Variants in DHX57 observed in about 807,000 individuals in gnomAD.
DHX57 encodes DExH-box helicase 57.
A neutral mutation model predicts 156.2 loss-of-function variants in DHX57; 105 were observed. The observed-to-expected ratio is 0.67, with a 90% CI of 0.57 to 0.79. DHX57 has a LOEUF of 0.79. Ranked by LOEUF, DHX57 falls within the 30% of genes least tolerant of loss-of-function variation. The pLI is 0.00. For synonymous variants in DHX57, 704 were observed against 595.6 expected (o/e 1.18, Z -2.65); for missense variants, 1,847 against 1,661.9 (o/e 1.11, Z -1.94).
chr2:38,858,815 T>C lies in DHX57; in HGVS notation c.1433A>G (p.Glu478Gly). ...IPEVEKASESEESDEDDGPAP... is the reference protein window; with the variant it reads ...IPEVEKASESGESDEDDGPAP... ...AGGACCGTCATCCTCATCTGACTCC[T>C]CAGATTCTGATGCTTTTTCAACTTG... Residue 478 changes from glutamate to glycine, a missense_variant, in exon 6 of 24, where the codon GAG (glutamate) becomes GGG (glycine). Transcript: ENST00000457308. 1 of 1,610,804 alleles carries C rather than the reference T, an allele frequency of 6.2e-7. No homozygotes were observed. The highest frequency in any genetic ancestry group is 8.5e-7 in the Non-Finnish European group (1 of 1,179,268).
At chr2:38,820,433 A>G (rs1192353382) in intron 17 of DHX57, among the ~76,000 whole-genome samples, 8 of 152,032 alleles carry the variant, frequency 5.3e-5, no homozygotes, top group Admixed American at 4.6e-4. Flanking sequence ...CCAGACATCA[A>G]CGTCTCTAAT....
chr2:38,821,971 C>G (rs887901429), intron 17 of DHX57, among the ~76,000 whole-genome samples: 4 of 152,090 alleles, frequency 2.6e-5, no homozygotes, highest in East Asian at 1.9e-4. Flanking sequence ...CTGAAAAGTC[C>G]TAGAACTAAT....
At chr2:38,824,013 C>CAA (rs71402254) in intron 16 of DHX57, among the ~76,000 whole-genome samples, 5 of 141,192 alleles carry the variant, frequency 3.5e-5, no homozygotes, top group East Asian at 2.0e-4. Flanking sequence ...TCTGTTTCCA[C>CAA]AAAAAAAAAA....
In DHX57 at chr2:38,819,036, G is replaced by T; in HGVS notation, c.3387+13C>A. The T allele has an allele frequency of 6.2e-7, 1 of 1,613,854 alleles. No individual in the cohort carries two copies. Among genetic ancestry groups the T allele is most frequent in the Non-Finnish European group, 8.5e-7 (1 of 1,179,942 alleles). On this transcript the variant is annotated intron_variant, in intron 18 of 23. Coordinates refer to ENST00000457308, the MANE Select transcript of DHX57 (RefSeq NM_198963.3). ...ACTGGTAATAAAACTAAGCTATTAG[G>T]TTATATACTTACCTTATACGCTTGT...
intron 14 of DHX57, among the ~76,000 whole-genome samples, chr2:38,827,114 A>T (rs1671124024): frequency 6.6e-6 from 1 of 150,828 alleles, no homozygotes; most frequent in Non-Finnish European, 1.5e-5. Context: ...TTGGGCGACA[A>T]TAGTGAGACT....
In DHX57 at chr2:38,806,865, C is replaced by CTTTT. The variant is rs34006142; in HGVS notation, c.3682-176_3682-173dup. Among the ~76,000 whole-genome samples the CTTTT allele has an allele frequency of 2.2e-4, 30 of 137,158 alleles. 1 individual carries two copies. Among genetic ancestry groups the CTTTT allele is most frequent in the African/African-American group, 6.7e-4 (25 of 37,348 alleles). 90.0% of individuals were successfully genotyped at this position (137,158 alleles called of 152,430 possible). ...CTTCTGAAAGCAGAACAAGCACATGCTTTTTTTTTTTTTTTTCCACCAAGA... is the reference window on the plus strand; with the variant it reads ...CTTCTGAAAGCAGAACAAGCACATGCTTTTTTTTTTTTTTTTTTTTCCACCAAGA... On this transcript the variant is annotated intron_variant, in intron 21 of 23. Transcript: ENST00000457308.
Position 38,855,193 on chromosome 2 carries a change from G to A in DHX57, c.1769C>T (p.Pro590Leu), listed in dbSNP as rs1672831055. ...ACAGATGATGTTGGCTACCTTCTCA[G>A]GTGGTCCATTCAGAGAATCATCCAG... is the stretch of plus-strand genomic sequence containing the variant. Reference protein sequence around the residue: ...FILDDSLNGPPEKVANIICTQ... With the variant: ...FILDDSLNGPLEKVANIICTQ... The change falls in exon 8 of 24, where the codon CCT becomes CTT. Residue 590 changes from proline (P) to leucine (L), a missense_variant. Coordinates refer to ENST00000457308, the MANE Select transcript of DHX57 (RefSeq NM_198963.3). 1.2e-6 allele frequency: 2 copies of A among 1,614,150 alleles called. No individual in the cohort carries two copies. Among genetic ancestry groups the A allele is most frequent in the Non-Finnish European group, 1.7e-6 (2 of 1,180,022 alleles).
chr2:38,820,994 A>G (rs1019509518), intron 17 of DHX57, among the ~76,000 whole-genome samples: 3 of 152,108 alleles, frequency 2.0e-5, no homozygotes, highest in Non-Finnish European at 2.9e-5. Context: ...ACAAAGCTCA[A>G]TACATTTTAA....
rs182658727 is a variant in DHX57, at chr2:38,825,762, T to C, written c.3014+85A>G. 245 of 1,399,686 alleles carry C rather than the reference T, an allele frequency of 1.8e-4. 2 individuals are homozygous for C. In the African/African-American group the frequency reaches 2.7e-3, roughly 16 times the overall value. 86.7% of individuals were successfully genotyped at this position (1,399,686 alleles called of 1,614,324 possible). A position where few individuals can be genotyped will look rare whatever the true frequency, so the allele number is the denominator to read the frequency against. ...TGGTCATTCTTAGCCAAATATCTTCTAGAAGTAAAAGGAAAACATGGAACT... is the reference window on the plus strand; with the variant it reads ...TGGTCATTCTTAGCCAAATATCTTCCAGAAGTAAAAGGAAAACATGGAACT... On this transcript the variant is annotated intron_variant, in intron 16 of 23. Coordinates refer to ENST00000457308, the MANE Select transcript of DHX57 (RefSeq NM_198963.3).
At chr2:38,837,069 A>T (rs1331343273) in intron 13 of DHX57, among the ~76,000 whole-genome samples, 1 of 151,992 alleles carries the variant, frequency 6.6e-6, no homozygotes, top group Non-Finnish European at 1.5e-5. Context: ...GGCTGATCTC[A>T]AACTCCTGGA....
chr2:38,804,767 T>G (rs1669864470), intron 22 of DHX57, among the ~76,000 whole-genome samples: 1 of 152,180 alleles, frequency 6.6e-6, no homozygotes, highest in African/African-American at 2.4e-5. Flanking sequence ...TCTGCTGGAA[T>G]GTTTCTCCTT....
At chr2:38,810,440 G>T in intron 21 of DHX57, 1 of 529,660 alleles carries the variant, frequency 1.9e-6, no homozygotes, top group South Asian at 1.4e-5. Context: ...GGGTCTATTT[G>T]GCAGTGACCT....
rs1368672693 is a variant in DHX57, at chr2:38,826,639, G to C, written c.2690C>G (p.Ala897Gly). The C allele has an allele frequency of 6.2e-7, 1 of 1,614,142 alleles. No individual in the cohort carries two copies. Among genetic ancestry groups the C allele is most frequent in the Admixed American group, 1.7e-5 (1 of 60,014 alleles). Reference sequence around the variant, plus strand: ...TCCTGCAGGAGGTTTTACAAACACAGCCTGCTGCTCTTCACTGGATAAAGA... The same window carrying C: ...TCCTGCAGGAGGTTTTACAAACACACCCTGCTGCTCTTCACTGGATAAAGA... ...HSSLSSEEQQ[A>G]VFVKPPAGVT... is the part of the protein sequence containing the mutation. The change falls in exon 15 of 24, where the codon GCT becomes GGT. Residue 897 changes from alanine (A) to glycine (G), a missense_variant. Coordinates refer to ENST00000457308, the MANE Select transcript of DHX57 (RefSeq NM_198963.3).
intron 13 of DHX57, among the ~76,000 whole-genome samples, chr2:38,828,832 T>A (rs955119767): frequency 1.6e-4 from 25 of 152,334 alleles, no homozygotes; most frequent in African/African-American, 6.0e-4. Context: ...TCTGACTTAA[T>A]AAGGACAAAA....
rs749444248 is a variant in DHX57, at chr2:38,825,839, G to A, written c.3014+8C>T. The A allele has an allele frequency of 6.2e-7, 1 of 1,614,064 alleles. No individual in the cohort carries two copies. The highest frequency in any genetic ancestry group is 1.7e-5 in the Admixed American group (1 of 60,002). On this transcript the variant is annotated splice_region_variant and intron_variant, in intron 16 of 23. Transcript: ENST00000457308. Reference sequence around the variant, plus strand: ...TTTGGAAGCAAAACACAAAAAACCAGATGTCACCTTAGACACAGCTGTTCC... The same window carrying A: ...TTTGGAAGCAAAACACAAAAAACCAAATGTCACCTTAGACACAGCTGTTCC...
At chr2:38,811,826 A>G (rs1192391151) in intron 21 of DHX57, among the ~76,000 whole-genome samples, 4 of 152,186 alleles carry the variant, frequency 2.6e-5, no homozygotes, top group African/African-American at 4.8e-5. Flanking sequence ...TTTTTGGTTT[A>G]GCCTCAAAAC....
intron 21 of DHX57, among the ~76,000 whole-genome samples, chr2:38,812,041 G>A (rs1293667938): frequency 1.3e-5 from 2 of 152,106 alleles, no homozygotes; most frequent in Admixed American, 6.6e-5. Flanking sequence ...TTATAGGCAT[G>A]AGCCAATGCT....
chr2:38,818,813 C>A, intron 19 of DHX57, 64 bp downstream of exon 19: 1 of 1,555,694 alleles, frequency 6.4e-7, no homozygotes, highest in South Asian at 1.1e-5. Flanking sequence ...GAGACAAAGT[C>A]GCAGCACCCT....
At position 38,855,101 on chromosome 2, in the gene DHX57, C is replaced by A. The variant is rs759360545; in HGVS notation, c.1861G>T (p.Val621Leu). Residue 621 changes from valine to leucine, a missense_variant, in exon 8 of 24, where the codon GTG (valine) becomes TTG (leucine). Coordinates refer to ENST00000457308, the MANE Select transcript of DHX57 (RefSeq NM_198963.3). ...ATCTGGTATCCCACGGTCAGACCCA[C>A]CCTCTCTGCTCTTTCTTTAGCAACG... The part of the protein sequence containing the change: ...ERVAKERAER[V>L]GLTVGYQIRL... The A allele has an allele frequency of 9.3e-6, 15 of 1,613,968 alleles. No homozygotes were observed. Among genetic ancestry groups the A allele is most frequent in the Non-Finnish European group, 1.2e-5 (14 of 1,180,030 alleles).
Sources: gnomAD v4.1 joint callset for allele counts (sites outside exome capture counted in the v4.1 genomes callset) on GRCh38, gnomAD v4.1.1 for gene constraint, MANE v1.5 for transcripts, NCBI Gene and HGNC (gene_info 2026-07-23, HGNC 2026-07-21) for gene names.